The following SUMO2 variants were observed in gnomAD, a reference collection of about 807,000 sequenced individuals.
SUMO2 encodes small ubiquitin-related modifier 2.
Under a neutral mutation model 16.0 loss-of-function variants are expected in SUMO2, and 1 was observed. That is an observed-to-expected ratio of 0.06 (90% CI 0.02 to 0.30). The LOEUF (loss-of-function observed/expected upper bound fraction) is 0.30, where lower values mean the gene tolerates loss of function less well. Among genes scored for constraint, SUMO2 ranks in the 10% least tolerant of loss-of-function variants. The pLI, the probability that SUMO2 is intolerant of heterozygous loss-of-function variation, is 1.00. For synonymous variants in SUMO2, 36 were observed against 40.6 expected (o/e 0.89, Z 0.43); for missense variants, 16 against 117.5 (o/e 0.14, Z 3.99).
intron 2 of SUMO2, among the ~76,000 whole-genome samples, chr17:75,179,749 T>A (rs2074812356): frequency 6.6e-6 from 1 of 151,028 alleles, no homozygotes; most frequent in Non-Finnish European, 1.5e-5. Flanking sequence ...AGCCTCCACC[T>A]CCCAGGTTCA....
chr17:75,172,324 A>ACTT (rs145848784), intron 3 of SUMO2, among the ~76,000 whole-genome samples: 49,049 of 80,076 alleles, frequency 0.61, 10,930 homozygotes, highest in East Asian at 0.73. Context: ...CTGTACCCAG[A>ACTT]CTTTTTTTTT....
At chr17:75,177,836 T>A (rs1157992240) in intron 2 of SUMO2, among the ~76,000 whole-genome samples, 3 of 151,392 alleles carry the variant, frequency 2.0e-5, no homozygotes, top group Non-Finnish European at 4.4e-5. Flanking sequence ...CTACGAAAAA[T>A]AAATTAGCCG....
intron 2 of SUMO2, among the ~76,000 whole-genome samples, chr17:75,175,218 G>C (rs904350675): frequency 1.3e-5 from 2 of 152,048 alleles, no homozygotes; most frequent in Non-Finnish European, 2.9e-5. Flanking sequence ...CCTAACCTCA[G>C]GTGCTCCGTC....
At chr17:75,176,592 G>T (rs1478947772) in intron 2 of SUMO2, among the ~76,000 whole-genome samples, 2 of 151,114 alleles carry the variant, frequency 1.3e-5, no homozygotes, top group Non-Finnish European at 2.9e-5. Flanking sequence ...CTCCAGCCTG[G>T]GTGACAGACC....
intron 1 of SUMO2, chr17:75,182,287 G>A (rs1302873589): frequency 6.6e-6 from 1 of 152,392 alleles, no homozygotes; most frequent in Non-Finnish European, 1.5e-5. Flanking sequence ...CGGGCATCCA[G>A]GTTCCTGCCC....
At chr17:75,176,842 G>T (rs2074786074) in intron 2 of SUMO2, among the ~76,000 whole-genome samples, 1 of 151,966 alleles carries the variant, frequency 6.6e-6, no homozygotes, top group South Asian at 2.1e-4. Flanking sequence ...TGCTCAGTAA[G>T]TATCAGTGGC....
intron 3 of SUMO2, among the ~76,000 whole-genome samples, chr17:75,172,909 G>A (rs916301886): frequency 4.6e-5 from 7 of 152,162 alleles, no homozygotes; most frequent in African/African-American, 1.7e-4. Context: ...GTGTGAACAA[G>A]TGCACCTGGC....
intron 2 of SUMO2, among the ~76,000 whole-genome samples, chr17:75,175,685 T>C (rs986103065): frequency 3.3e-5 from 5 of 151,212 alleles, no homozygotes; most frequent in Non-Finnish European, 5.9e-5. Flanking sequence ...CAGGCTGGAG[T>C]GCAGTGGTGC....
At chr17:75,169,912 T>C (rs1487229921) in intron 3 of SUMO2, among the ~76,000 whole-genome samples, 1 of 150,502 alleles carries the variant, frequency 6.6e-6, no homozygotes, top group Non-Finnish European at 1.5e-5. Context: ...CTCAACACTT[T>C]GGGAGGCCGA....
chr17:75,182,502 G>A (rs1021628148), intron 1 of SUMO2: 1 of 225,710 alleles, frequency 4.4e-6, no homozygotes, highest in East Asian at 9.1e-5. Flanking sequence ...ACGCGCGCCG[G>A]CCGGCTGGGC....
intron 2 of SUMO2, among the ~76,000 whole-genome samples, chr17:75,177,741 T>C (rs552350653): frequency 6.3e-4 from 95 of 151,448 alleles, no homozygotes; most frequent in African/African-American, 2.0e-3. Flanking sequence ...TCCCAGCACT[T>C]TGGGAGGCCG....
chr17:75,169,922 A>G (rs1253924193), intron 3 of SUMO2, among the ~76,000 whole-genome samples: 1 of 151,330 alleles, frequency 6.6e-6, no homozygotes, highest in Non-Finnish European at 1.5e-5. Flanking sequence ...TGGGAGGCCG[A>G]GGCAGGCAGA....
chr17:75,174,671 G>A (rs1489431307), intron 3 of SUMO2, 81 bp downstream of exon 3: 4 of 1,343,712 alleles, frequency 3.0e-6, no homozygotes, highest in Non-Finnish European at 4.2e-6. Context: ...ATACTCCAGT[G>A]TCTAAACGTT....
intron 2 of SUMO2, among the ~76,000 whole-genome samples, chr17:75,179,966 C>T (rs981673047): frequency 3.3e-5 from 5 of 152,130 alleles, no homozygotes; most frequent in African/African-American, 1.2e-4. Flanking sequence ...TTTATCTTCA[C>T]TGATCTTTCA....
intron 3 of SUMO2, among the ~76,000 whole-genome samples, chr17:75,172,251 G>A (rs938404275): frequency 2.0e-5 from 3 of 151,096 alleles, no homozygotes; most frequent in Non-Finnish European, 4.4e-5. Flanking sequence ...GTCTTGAACT[G>A]CTGACCTCAG....
At chr17:75,172,872 C>T (rs909496741) in intron 3 of SUMO2, among the ~76,000 whole-genome samples, 6 of 152,178 alleles carry the variant, frequency 3.9e-5, no homozygotes, top group African/African-American at 1.4e-4. Flanking sequence ...CTGCCTGCCT[C>T]AGCCTCCTGA....
chr17:75,173,913 T>C (rs2145220061), intron 3 of SUMO2, among the ~76,000 whole-genome samples: 1 of 152,266 alleles, frequency 6.6e-6, no homozygotes, highest in East Asian at 1.9e-4. Context: ...AATGAAGTGG[T>C]ACATAAAGAG....
chr17:75,169,407 G>A (rs557918362), intron 3 of SUMO2, among the ~76,000 whole-genome samples: 9 of 148,998 alleles, frequency 6.0e-5, no homozygotes, highest in South Asian at 2.1e-4. Flanking sequence ...TTTTTGAGAC[G>A]GAGTCTCCCT....
intron 3 of SUMO2, among the ~76,000 whole-genome samples, chr17:75,174,502 A>G (rs894665896): frequency 5.3e-5 from 8 of 152,232 alleles, no homozygotes; most frequent in Non-Finnish European, 7.3e-5. Context: ...ACTACACTTC[A>G]ACCCGGGCAA....
Sources: gnomAD v4.1 joint callset for allele counts (sites outside exome capture counted in the v4.1 genomes callset) on GRCh38, gnomAD v4.1.1 for gene constraint, MANE v1.5 for transcripts, NCBI Gene and HGNC (gene_info 2026-07-23, HGNC 2026-07-21) for gene names.